The following PCDH15 variants were observed in gnomAD, a reference collection of about 807,000 sequenced individuals.
PCDH15 encodes protocadherin related 15.
In PCDH15, 129 loss-of-function variants were observed where a neutral mutation model predicts 178.5. The observed-to-expected ratio is 0.72, with a 90% CI of 0.63 to 0.84. The LOEUF (loss-of-function observed/expected upper bound fraction) is 0.84, where lower values mean the gene tolerates loss of function less well. Among genes scored for constraint, PCDH15 ranks in the 40% least tolerant of loss-of-function variants. The pLI is 0.00. For missense variants in PCDH15, 2,230 were observed against 2,099.9 expected (o/e 1.06, Z -1.21); for synonymous variants, 800 against 732.0 (o/e 1.09, Z -1.50).
At chr10:54,932,208 G>C (rs899073871) in intron 2 of PCDH15, among the ~76,000 whole-genome samples, 23 of 152,308 alleles carry the variant, frequency 1.5e-4, no homozygotes, top group African/African-American at 5.5e-4. Flanking sequence ...ATTCTTATCA[G>C]AGGAGATGAG....
At chr10:54,594,354 T>C (rs560704430) in intron 2 of PCDH15, among the ~76,000 whole-genome samples, 6 of 152,020 alleles carry the variant, frequency 3.9e-5, no homozygotes, top group African/African-American at 1.2e-4. Context: ...AGGAAAGGGG[T>C]GAACGTAGAC....
At chr10:55,217,436 T>G (rs1214906321) in intron 1 of PCDH15, among the ~76,000 whole-genome samples, 1 of 151,914 alleles carries the variant, frequency 6.6e-6, no homozygotes, top group Non-Finnish European at 1.5e-5. Flanking sequence ...CGTATTTTTA[T>G]GTTTATATTT....
chr10:55,588,785 C>T (rs866924965), intron 2 of PCDH15, among the ~76,000 whole-genome samples: 12 of 151,790 alleles, frequency 7.9e-5, no homozygotes, highest in South Asian at 2.1e-4. Context: ...AAAAACTGTT[C>T]GAAATAAAGG....
In PCDH15 at chr10:55,193,361, C is replaced by T. The variant is rs768381355; in HGVS notation, c.-155-26710G>A. On this transcript the variant is annotated intron_variant, in intron 1 of 5. Coordinates refer to the PCDH15 transcript ENST00000458638. Reference sequence around the variant, plus strand: ...CAAGCCAGCTGTTGTATCATAAACACTGTTTGTTTCATTGCCAAAATTAAT... The same window carrying T: ...CAAGCCAGCTGTTGTATCATAAACATTGTTTGTTTCATTGCCAAAATTAAT... Among the ~76,000 whole-genome samples, 2 of 151,894 alleles carry T rather than the reference C, an allele frequency of 1.3e-5. 1 individual carries two copies. Among genetic ancestry groups the T allele is most frequent in the Non-Finnish European group, 2.9e-5 (2 of 67,896 alleles).
intron 3 of PCDH15, among the ~76,000 whole-genome samples, chr10:54,485,440 A>G (rs2079035601): frequency 6.6e-6 from 1 of 152,006 alleles, no homozygotes; most frequent in African/African-American, 2.4e-5. Context: ...AGTTACTTAT[A>G]TTTAATATTT....
At chr10:54,164,445 T>C (rs1259930157) in intron 13 of PCDH15, among the ~76,000 whole-genome samples, 1 of 152,190 alleles carries the variant, frequency 6.6e-6, no homozygotes, top group Non-Finnish European at 1.5e-5. Flanking sequence ...AATCCTTATG[T>C]AGAAGGATTT....
At chr10:54,845,306 T>C (rs1953489427) in intron 3 of PCDH15, among the ~76,000 whole-genome samples, 1 of 152,052 alleles carries the variant, frequency 6.6e-6, no homozygotes, top group African/African-American at 2.4e-5. Flanking sequence ...TTTTCTGGCT[T>C]GAGGAAGACA....
chr10:54,913,400 C>A (rs1302411994), intron 2 of PCDH15, among the ~76,000 whole-genome samples: 1 of 152,150 alleles, frequency 6.6e-6, no homozygotes. Context: ...GTGCAGAGGG[C>A]AAGACTTGAG....
chr10:54,104,487 C>T (rs899654338), intron 15 of PCDH15, among the ~76,000 whole-genome samples: 3 of 152,122 alleles, frequency 2.0e-5, no homozygotes, highest in Non-Finnish European at 2.9e-5. Context: ...GACTCTCACT[C>T]GGGAAAATCT....
intron 5 of PCDH15, among the ~76,000 whole-genome samples, chr10:54,360,822 A>G (rs1280806937): frequency 1.3e-5 from 2 of 152,092 alleles, no homozygotes; most frequent in Non-Finnish European, 1.5e-5. Flanking sequence ...CAAAGTTTGA[A>G]TAGAATAAAA....
intron 2 of PCDH15, among the ~76,000 whole-genome samples, chr10:55,121,361 G>GT (rs569435797): frequency 2.0e-5 from 3 of 150,740 alleles, no homozygotes; most frequent in Non-Finnish European, 3.0e-5. Flanking sequence ...TCAGAGCTGG[G>GT]GGGGGGCAAT....
chr10:53,896,991 C>T (rs1040996871), intron 26 of PCDH15, among the ~76,000 whole-genome samples: 5 of 152,088 alleles, frequency 3.3e-5, no homozygotes, highest in African/African-American at 1.2e-4. Context: ...AAATGTGATG[C>T]ACTTCAGTCA....
At chr10:54,296,668 G>A (rs2059811949) in intron 8 of PCDH15, among the ~76,000 whole-genome samples, 1 of 152,122 alleles carries the variant, frequency 6.6e-6, no homozygotes, top group African/African-American at 2.4e-5. Flanking sequence ...CATCGGAGGA[G>A]CCAGACTATC....
chr10:55,589,695 A>G (rs1842802116), intron 2 of PCDH15, among the ~76,000 whole-genome samples: 1 of 151,726 alleles, frequency 6.6e-6, no homozygotes, highest in Non-Finnish European at 1.5e-5. Context: ...TTATGCAGCC[A>G]AAAAACACAT....
intron 2 of PCDH15, among the ~76,000 whole-genome samples, chr10:54,907,768 A>G (rs767406146): frequency 6.6e-6 from 1 of 152,110 alleles, no homozygotes; most frequent in African/African-American, 2.4e-5. Flanking sequence ...AGGGATAATT[A>G]TTTTCTGTAC....
intron 25 of PCDH15, among the ~76,000 whole-genome samples, chr10:53,913,351 A>C (rs2083263362): frequency 6.6e-6 from 1 of 152,172 alleles, no homozygotes; most frequent in Non-Finnish European, 1.5e-5. Context: ...AAGAAAACCT[A>C]GGCAATACCA....
chr10:55,255,597 C>T (rs1841974611), intron 1 of PCDH15, among the ~76,000 whole-genome samples: 1 of 152,136 alleles, frequency 6.6e-6, no homozygotes, highest in Admixed American at 6.6e-5. Flanking sequence ...TATTTCTCCA[C>T]ATCCTCTCCA....
At chr10:54,575,428 A>G (rs1340602795) in intron 2 of PCDH15, 2 of 151,718 alleles carry the variant, frequency 1.3e-5, no homozygotes, top group African/African-American at 2.5e-5. Flanking sequence ...AATAACTAAG[A>G]CAGAAAAAAA....
chr10:54,580,398 C>T (rs2090928396), intron 2 of PCDH15, among the ~76,000 whole-genome samples: 2 of 151,966 alleles, frequency 1.3e-5, no homozygotes, highest in Admixed American at 1.3e-4. Flanking sequence ...CATACAACCT[C>T]CCCAAATTGA....
Sources: gnomAD v4.1 joint callset for allele counts (sites outside exome capture counted in the v4.1 genomes callset) on GRCh38, gnomAD v4.1.1 for gene constraint, MANE v1.5 for transcripts, NCBI Gene and HGNC (gene_info 2026-07-23, HGNC 2026-07-21) for gene names.